PRKCE: variants seen among roughly 807,000 people sequenced by gnomAD.
PRKCE encodes the protein protein kinase C epsilon.
Under a neutral mutation model 85.4 loss-of-function variants are expected in PRKCE, and 16 were observed. The ratio of observed to expected loss-of-function variants is 0.19; its 90% confidence interval spans 0.13 to 0.28. The LOEUF (loss-of-function observed/expected upper bound fraction) is 0.28, where lower values mean the gene tolerates loss of function less well. PRKCE is among the 10% of genes least tolerant of loss of function. PRKCE has a pLI of 1.00. For missense variants in PRKCE, 573 were observed against 975.2 expected (o/e 0.59, Z 5.49); for synonymous variants, 388 against 371.5 (o/e 1.04, Z -0.51).
chr2:45,898,168 A>G (rs1216640721), intron 2 of PRKCE, among the ~76,000 whole-genome samples: 1 of 152,220 alleles, frequency 6.6e-6, no homozygotes. Context: ...CCTAGTCTCT[A>G]AAATCACAAC....
intron 4 of PRKCE, 48 bp downstream of exon 4, chr2:45,979,058 CAGAT>C: frequency 6.4e-7 from 1 of 1,565,608 alleles, no homozygotes; most frequent in Non-Finnish European, 8.7e-7. Context: ...TGGTTAGATC[CAGAT>C]CACTGGCACC....
At chr2:45,859,430 G>A (rs1380442205) in intron 2 of PRKCE, among the ~76,000 whole-genome samples, 2 of 152,212 alleles carry the variant, frequency 1.3e-5, no homozygotes, top group East Asian at 1.9e-4. Context: ...AGTTGATGCC[G>A]CCACCAGACA....
chr2:45,672,220 A>G (rs1676203863), intron 1 of PRKCE, among the ~76,000 whole-genome samples: 1 of 152,066 alleles, frequency 6.6e-6, no homozygotes, highest in Admixed American at 6.5e-5. Context: ...TCATTCATCC[A>G]TCTCTACATC....
At chr2:45,906,402 G>A (rs544894332) in intron 2 of PRKCE, among the ~76,000 whole-genome samples, 18 of 152,330 alleles carry the variant, frequency 1.2e-4, no homozygotes, top group Non-Finnish European at 2.5e-4. Flanking sequence ...ATTGCTGTGA[G>A]GTACTCTGAA....
In PRKCE at chr2:46,145,542, G is replaced by A. The variant is rs180882743; in HGVS notation, c.1731+311G>A. ...CAATAAATCTAGGACCAAGAAAAAC[G>A]TGTTGACTTTTATTATTGTTTTCAT... On this transcript the variant is annotated intron_variant, in intron 12 of 14. Coordinates refer to ENST00000306156, the MANE Select transcript of PRKCE (RefSeq NM_005400.3). The surrounding 1 kb of genome is among the most constrained non-coding windows in gnomAD (Gnocchi z 4.6). Among the ~76,000 whole-genome samples the A allele has an allele frequency of 6.5e-4, 99 of 152,224 alleles. 1 individual carries two copies. Among genetic ancestry groups the A allele is most frequent in the Admixed American group, 1.0e-3 (16 of 15,296 alleles).
chr2:45,938,539 C>A (rs1249978437), intron 2 of PRKCE, among the ~76,000 whole-genome samples: 2 of 152,106 alleles, frequency 1.3e-5, no homozygotes, highest in Admixed American at 1.3e-4. Context: ...TTTCAGCGCC[C>A]ACCCCTCAAA....
At chr2:45,667,181 C>T (rs1024415784) in intron 1 of PRKCE, among the ~76,000 whole-genome samples, 3 of 151,972 alleles carry the variant, frequency 2.0e-5, no homozygotes, top group African/African-American at 7.2e-5. Context: ...TGTGGTGGCA[C>T]ACACCTGTAA....
chr2:45,929,245 ACG>A (rs1698856566), intron 2 of PRKCE, among the ~76,000 whole-genome samples: 2 of 152,168 alleles, frequency 1.3e-5, no homozygotes, highest in Non-Finnish European at 2.9e-5. Flanking sequence ...CTTATATAAC[ACG>A]TGCTAAAAAT....
intron 1 of PRKCE, among the ~76,000 whole-genome samples, chr2:45,733,700 A>G (rs556929063): frequency 3.9e-5 from 6 of 152,252 alleles, no homozygotes; most frequent in Admixed American, 1.3e-4. Flanking sequence ...CGTCTCCACT[A>G]TCAGCTTTCT....
chr2:46,056,114 G>T (rs1230501820), intron 10 of PRKCE, among the ~76,000 whole-genome samples: 1 of 152,154 alleles, frequency 6.6e-6, no homozygotes, highest in South Asian at 2.1e-4. Flanking sequence ...GAAGCAAGCT[G>T]TTTCGAGGAC....
chr2:45,840,735 A>C (rs1691279368), intron 1 of PRKCE, among the ~76,000 whole-genome samples: 1 of 152,192 alleles, frequency 6.6e-6, no homozygotes, highest in Non-Finnish European at 1.5e-5. Flanking sequence ...TTAGAGGCTG[A>C]GTCAGGCAAC....
Position 45,905,248 on chromosome 2 carries a change from G to T in PRKCE, c.412+62185G>T. Among the ~76,000 whole-genome samples, 1 of 152,152 alleles carries T rather than the reference G, an allele frequency of 6.6e-6. No individual in the cohort carries two copies. The highest frequency in any genetic ancestry group is 2.1e-4 in the South Asian group (1 of 4,830). On this transcript the variant is annotated intron_variant, in intron 2 of 14. Coordinates refer to ENST00000306156, the MANE Select transcript of PRKCE (RefSeq NM_005400.3). The surrounding 1 kb of genome is among the most constrained non-coding windows in gnomAD (Gnocchi z 4.4). ...ACCTCTTGGCTGGCTCTCCAACATA[G>T]CCCACGCTAACCCAGTTTTGGAATC...
At chr2:45,822,661 T>C (rs1013475561) in intron 1 of PRKCE, among the ~76,000 whole-genome samples, 1 of 152,116 alleles carries the variant, frequency 6.6e-6, no homozygotes. Context: ...GCAATTTAAG[T>C]GGTGGTTGGG....
intron 1 of PRKCE, among the ~76,000 whole-genome samples, chr2:45,681,890 C>T (rs780346978): frequency 1.8e-4 from 27 of 152,206 alleles, no homozygotes; most frequent in Non-Finnish European, 2.9e-4. Context: ...GCACTTATTA[C>T]ATCCTGTCTT....
At chr2:46,064,598 A>G (rs557197636) in intron 10 of PRKCE, among the ~76,000 whole-genome samples, 3 of 152,354 alleles carry the variant, frequency 2.0e-5, no homozygotes, top group African/African-American at 7.2e-5. Flanking sequence ...TCTCCTTTGT[A>G]GATTAGATAG....
At chr2:45,978,719 A>C in intron 3 of PRKCE, 1 of 432,138 alleles carries the variant, frequency 2.3e-6, no homozygotes, top group Non-Finnish European at 4.1e-6. Context: ...ACCACACAGG[A>C]ATGGCTCTCT....
chr2:46,125,893 T>A (rs955077076), intron 11 of PRKCE, among the ~76,000 whole-genome samples: 5 of 152,204 alleles, frequency 3.3e-5, no homozygotes, highest in Non-Finnish European at 4.4e-5. Context: ...GTTGTACGTG[T>A]CTTCGTTCTG....
rs575080607 is a variant in PRKCE, at chr2:46,008,161, T to C, written c.1263+500T>C. On this transcript the variant is annotated intron_variant, in intron 9 of 14. Coordinates refer to ENST00000306156, the MANE Select transcript of PRKCE (RefSeq NM_005400.3). The stretch of plus-strand genomic sequence containing the variant: ...TTTAACTGATCTTTCTGGCATGTAA[T>C]AAATGTTCTGTTTATCCTTTACACG... 1.8e-4 allele frequency among the ~76,000 whole-genome samples: 27 copies of C among 152,348 alleles called. No individual in the cohort carries two copies. The South Asian group carries it at 5.6e-3, about 32-fold the overall frequency.
At chr2:45,959,837 T>C (rs1363628714) in intron 2 of PRKCE, among the ~76,000 whole-genome samples, 1 of 152,218 alleles carries the variant, frequency 6.6e-6, no homozygotes, top group Non-Finnish European at 1.5e-5. Context: ...TGTCACCTCC[T>C]TATGTTCCCT....
Sources: gnomAD v4.1 joint callset for allele counts (sites outside exome capture counted in the v4.1 genomes callset) on GRCh38, gnomAD v4.1.1 for gene constraint, Gnocchi (gnomAD v3.1) non-coding constraint, MANE v1.5 for transcripts, NCBI Gene and HGNC (gene_info 2026-07-23, HGNC 2026-07-21) for gene names.